MCRIP2: variants seen among roughly 807,000 people sequenced by gnomAD.
MCRIP2 encodes the protein MAPK regulated corepressor interacting protein 2, also known as MAPK regulated co-repressor interacting protein 2.
A neutral mutation model predicts 23.2 loss-of-function variants in MCRIP2; 21 were observed. That is an observed-to-expected ratio of 0.90 (90% CI 0.64 to 1.30). The LOEUF is 1.30. Among genes scored for constraint, MCRIP2 ranks in the 50% most tolerant of loss-of-function variants. MCRIP2 has a pLI of 0.00. For missense variants in MCRIP2, 234 were observed against 223.2 expected, an observed-to-expected ratio of 1.05 and a Z score of -0.31; for synonymous variants, 121 against 100.2, an observed-to-expected ratio of 1.21 and a Z score of -1.24.
intron 2 of MCRIP2, among the ~76,000 whole-genome samples, chr16:643,647 C>T (rs936437304): frequency 2.0e-5 from 3 of 149,818 alleles, no homozygotes; most frequent in South Asian, 2.1e-4. Flanking sequence ...CGGGTTCAAG[C>T]GATTCTCCTG....
In MCRIP2 at chr16:641,840, G is replaced by A; in HGVS notation, c.-152G>A. On this transcript the variant is annotated 5_prime_UTR_variant, in exon 1 of 5. Transcript: ENST00000307650. The stretch of plus-strand genomic sequence containing the variant: ...AAGCGCCGCCTCCGCCGCGTGTCCG[G>A]GGTCAGCCCGAGCCCGTGCGGGCCC... 2 of 642,844 alleles carry A rather than the reference G, an allele frequency of 3.1e-6. No individual in the cohort carries two copies. The highest frequency in any genetic ancestry group is 8.0e-5 in the South Asian group (1 of 12,558). The allele number at this position is 642,844 out of a possible 1,614,324, so 39.8% of individuals were successfully genotyped here.
rs2037498118 is a variant in MCRIP2, at chr16:646,958, T to G, written c.183-459T>G. On this transcript the variant is annotated intron_variant, in intron 2 of 4. Coordinates refer to ENST00000307650, the MANE Select transcript of MCRIP2 (RefSeq NM_138418.4). The surrounding 1 kb of genome is among the most constrained non-coding windows in gnomAD (Gnocchi z 6.5). Reference sequence around the variant, plus strand: ...GGAAACATCGTGGAGATGGAGGTGCTTCTGTGGGGCGAGAATGTGGCCTAG... The same window carrying G: ...GGAAACATCGTGGAGATGGAGGTGCGTCTGTGGGGCGAGAATGTGGCCTAG... 1 of 168,198 alleles carries G rather than the reference T, an allele frequency of 5.9e-6. No homozygotes were observed. The highest frequency in any genetic ancestry group is 1.3e-5 in the Non-Finnish European group (1 of 77,592). 10.4% of individuals were successfully genotyped at this position (168,198 alleles called of 1,614,324 possible).
intron 4 of MCRIP2, 97 bp from the exon 5 acceptor site, chr16:648,023 A>G (rs1305378076): frequency 4.6e-6 from 6 of 1,317,732 alleles, no homozygotes; most frequent in Admixed American, 4.4e-5. Flanking sequence ...CGCCTGCCGC[A>G]CTCGGAGTCC....
chr16:647,106 C>T (rs1412613361), intron 2 of MCRIP2: 9 of 385,120 alleles, frequency 2.3e-5, no homozygotes, highest in South Asian at 7.7e-5. Context: ...GCAAGACCCT[C>T]GGGGAGGGGT....
At chr16:642,422 G>A in intron 2 of MCRIP2, 173 bp downstream of exon 2, 1 of 509,382 alleles carries the variant, frequency 2.0e-6, no homozygotes, top group Non-Finnish European at 2.7e-6. Flanking sequence ...ACGCGCCCGC[G>A]GGCCTGCGCC....
Position 647,418 on chromosome 16 carries a change from C to A in MCRIP2, c.184C>A (p.Pro62Thr). The A allele has an allele frequency of 6.2e-7, 1 of 1,613,448 alleles. No homozygotes were observed. The highest frequency in any genetic ancestry group is 8.5e-7 in the Non-Finnish European group (1 of 1,179,950). Residue 62 changes from proline (P) to threonine (T), a missense_variant and splice_region_variant, in exon 3 of 5, where the codon CCA (proline) becomes ACA (threonine). Physicochemically the swap from Pro to Thr is conservative, Grantham distance 38. Coordinates refer to ENST00000307650, the MANE Select transcript of MCRIP2 (RefSeq NM_138418.4). ...TGTCCGTCTCCTCCCTTCCTGCAGTCCAGGGCCAAGGCTTGTGTTCAATCG... is the reference window on the plus strand; with the variant it reads ...TGTCCGTCTCCTCCCTTCCTGCAGTACAGGGCCAAGGCTTGTGTTCAATCG... ...QPPGPWPLSSPGPRLVFNRVN... is the reference protein window; with the variant it reads ...QPPGPWPLSSTGPRLVFNRVN...
intron 3 of MCRIP2, 55 bp from the exon 4 acceptor site, chr16:647,728 G>C: frequency 6.6e-7 from 1 of 1,519,074 alleles, no homozygotes; most frequent in Non-Finnish European, 8.9e-7. Context: ...TCAGGCCCTG[G>C]GTGGGCGATG....
Position 647,438 on chromosome 16 carries a change from C to A in MCRIP2, c.204C>A (p.Phe68Leu), listed in dbSNP as rs1281854789. Residue 68 changes from phenylalanine to leucine, a missense_variant, in exon 3 of 5, where the codon TTC becomes TTA. Transcript: ENST00000307650. ...PLSSPGPRLV[F>L]NRVNGRRAPS... is the part of the protein sequence containing the mutation. Reference sequence around the variant, plus strand: ...GCAGTCCAGGGCCAAGGCTTGTGTTCAATCGTGTGAATGGCCGGCGGGCCC... The same window carrying A: ...GCAGTCCAGGGCCAAGGCTTGTGTTAAATCGTGTGAATGGCCGGCGGGCCC... The A allele has an allele frequency of 1.2e-6, 2 of 1,613,458 alleles. No individual in the cohort carries two copies. Among genetic ancestry groups the A allele is most frequent in the Non-Finnish European group, 1.7e-6 (2 of 1,179,974 alleles).
Position 646,379 on chromosome 16 carries a change from T to G in MCRIP2, c.183-1038T>G, listed in dbSNP as rs2037481923. The G allele has an allele frequency of 1.3e-5, 2 of 152,180 alleles. No individual in the cohort carries two copies. Among genetic ancestry groups the G allele is most frequent in the Non-Finnish European group, 2.9e-5 (2 of 68,056 alleles). The allele number at this position is 152,180 out of a possible 1,614,324, so 9.4% of individuals were successfully genotyped here. On this transcript the variant is annotated intron_variant, in intron 2 of 4. Coordinates refer to ENST00000307650, the MANE Select transcript of MCRIP2 (RefSeq NM_138418.4). The surrounding 1 kb of genome is among the most constrained non-coding windows in gnomAD (Gnocchi z 6.5). ...CCCCTGCCCCTGTCCCATCTCCACC[T>G]GCACGTTTTAAGATCCTCTGTGGCC...
Position 647,823 on chromosome 16 carries a change from C to T in MCRIP2, c.351C>T (p.Ala117=), listed in dbSNP as rs374043940. 297 of 1,577,964 alleles carry T rather than the reference C, an allele frequency of 1.9e-4. 1 individual carries two copies. The African/African-American group carries it at 3.3e-3, about 18-fold the overall frequency. ...AACAGCAGCTGGATGGTGGCCCAGC[C>T]GGTGAGGGCGGGCCAAGGCCTGTGC... The part of the protein sequence containing the change: ...QVQQQLDGGP[A]GEGGPRPVQY... The change falls in exon 4 of 5, where the codon GCC becomes GCT. Residue 117 remains alanine, a synonymous_variant. Transcript: ENST00000307650.
chr16:641,944 G>A lies in MCRIP2; in HGVS notation c.-48G>A. On this transcript the variant is annotated 5_prime_UTR_variant, in exon 1 of 5. Transcript: ENST00000307650. ...TCCGTTAAGTGCGAGCCCCGGCGCA[G>A]GGGCCGGATCTGGCCGGGGGCCGGC... 1.6e-6 allele frequency: 2 copies of A among 1,281,974 alleles called. No individual in the cohort carries two copies. Among genetic ancestry groups the A allele is most frequent in the South Asian group, 4.8e-5 (2 of 41,654 alleles). 79.4% of individuals were successfully genotyped at this position (1,281,974 alleles called of 1,614,324 possible).
At chr16:642,321 G>A in intron 2 of MCRIP2, 72 bp downstream of exon 2, 1 of 1,125,658 alleles carries the variant, frequency 8.9e-7, no homozygotes, top group Non-Finnish European at 1.1e-6. Context: ...AGAGCGGAGG[G>A]TGACCTTGGG....
chr16:642,198 C>T lies in MCRIP2; in HGVS notation c.131C>T (p.Pro44Leu), dbSNP rs11551691. 278 of 1,320,264 alleles carry T rather than the reference C, an allele frequency of 2.1e-4. 2 individuals carry two copies. The highest frequency in any genetic ancestry group is 8.6e-4 in the Middle Eastern group (3 of 3,488). 81.8% of individuals were successfully genotyped at this position (1,320,264 alleles called of 1,614,324 possible). A position where few individuals can be genotyped will look rare whatever the true frequency, so the allele number is the denominator to read the frequency against. Residue 44 changes from proline (P) to leucine (L), a missense_variant, in exon 2 of 5, where the codon CCC (proline) becomes CTC (leucine). By Grantham distance (98) the Pro-to-Leu change is moderately conservative. Coordinates refer to ENST00000307650, the MANE Select transcript of MCRIP2 (RefSeq NM_138418.4). ...CRQPAPPTSQ[P>L]PRAQPFAQPP... ...CAGCCCGCGCCGCCGACCTCGCAGCCCCCGCGGGCGCAGCCCTTTGCGCAG... is the reference window on the plus strand; with the variant it reads ...CAGCCCGCGCCGCCGACCTCGCAGCTCCCGCGGGCGCAGCCCTTTGCGCAG...
intron 2 of MCRIP2, 163 bp downstream of exon 2, chr16:642,412 A>G (rs1303813544): frequency 9.0e-6 from 5 of 558,058 alleles, no homozygotes; most frequent in Non-Finnish European, 1.2e-5. Context: ...CCTGCCCACT[A>G]CGCGCCCGCG....
chr16:642,287 T>C, intron 2 of MCRIP2, 38 bp downstream of exon 2: 1 of 1,149,212 alleles, frequency 8.7e-7, no homozygotes, highest in South Asian at 4.2e-5. Context: ...CCGGCCCGGC[T>C]TCCCCTCCCC....
chr16:644,857 G>C (rs866655076), intron 2 of MCRIP2, among the ~76,000 whole-genome samples: 2 of 152,030 alleles, frequency 1.3e-5, no homozygotes, highest in Non-Finnish European at 2.9e-5. Context: ...GAGGGTCAAG[G>C]CTTGTCACCC....
At position 641,950 on chromosome 16, in the gene MCRIP2, G is replaced by T; in HGVS notation, c.-42G>T. ...AAGTGCGAGCCCCGGCGCAGGGGCC[G>T]GATCTGGCCGGGGGCCGGCGGCGGT... On this transcript the variant is annotated 5_prime_UTR_variant, in exon 1 of 5. Transcript: ENST00000307650. 9 of 1,291,200 alleles carry T rather than the reference G, an allele frequency of 7.0e-6. No homozygotes were observed. The highest frequency in any genetic ancestry group is 6.9e-6 in the Non-Finnish European group (7 of 1,021,560). 80.0% of individuals were successfully genotyped at this position (1,291,200 alleles called of 1,614,324 possible). A position where few individuals can be genotyped will look rare whatever the true frequency, so the allele number is the denominator to read the frequency against.
intron 4 of MCRIP2, 39 bp from the exon 5 acceptor site, chr16:648,081 T>G: frequency 6.4e-7 from 1 of 1,558,324 alleles, no homozygotes; most frequent in Non-Finnish European, 8.7e-7. Flanking sequence ...CCGGCTGGCC[T>G]GGGAGGCAGC....
In MCRIP2 at chr16:641,940, C is replaced by G. The variant is rs1428046116; in HGVS notation, c.-52C>G. 4.7e-6 allele frequency: 6 copies of G among 1,277,574 alleles called. No individual in the cohort carries two copies. Among genetic ancestry groups the G allele is most frequent in the African/African-American group, 1.6e-5 (1 of 63,890 alleles). 79.1% of individuals were successfully genotyped at this position (1,277,574 alleles called of 1,614,324 possible). Reference sequence around the variant, plus strand: ...GCAGTCCGTTAAGTGCGAGCCCCGGCGCAGGGGCCGGATCTGGCCGGGGGC... The same window carrying G: ...GCAGTCCGTTAAGTGCGAGCCCCGGGGCAGGGGCCGGATCTGGCCGGGGGC... On this transcript the variant is annotated 5_prime_UTR_variant, in exon 1 of 5. Coordinates refer to ENST00000307650, the MANE Select transcript of MCRIP2 (RefSeq NM_138418.4).
Sources: allele counts gnomAD v4.1 joint callset (sites outside exome capture counted in the v4.1 genomes callset), GRCh38; gene constraint gnomAD v4.1.1; non-coding constraint Gnocchi (gnomAD v3.1); transcripts MANE v1.5; gene names NCBI Gene and HGNC (gene_info 2026-07-23, HGNC 2026-07-21).